L3MBTL4: variants seen among roughly 807,000 people sequenced by gnomAD.
The protein encoded by L3MBTL4 is L3MBTL histone methyl-lysine binding protein 4.
L3MBTL4 carries 70 observed loss-of-function variants against 84.5 expected under a neutral mutation model. That is an observed-to-expected ratio of 0.83 (90% CI 0.68 to 1.01). The LOEUF (loss-of-function observed/expected upper bound fraction) is 1.01. Among genes scored for constraint, L3MBTL4 ranks in the 50% least tolerant of loss-of-function variants. L3MBTL4 has a pLI of 0.00. For missense variants in L3MBTL4, 715 were observed against 754.8 expected, an observed-to-expected ratio of 0.95 and a Z score of 0.62; for synonymous variants, 274 against 259.8, an observed-to-expected ratio of 1.05 and a Z score of -0.52.
chr18:6,402,188 C>T (rs1372976387), intron 1 of L3MBTL4, among the ~76,000 whole-genome samples: 1 of 152,082 alleles, frequency 6.6e-6, no homozygotes, highest in Non-Finnish European at 1.5e-5. Context: ...AAATAAGTAC[C>T]TCGGGGAGCT....
intron 17 of L3MBTL4, among the ~76,000 whole-genome samples, chr18:5,963,091 A>G (rs965383823): frequency 1.3e-5 from 2 of 152,220 alleles, no homozygotes; most frequent in African/African-American, 4.8e-5. Context: ...ACCAGTAACT[A>G]GCTAACGACC....
intron 16 of L3MBTL4, chr18:6,031,333 A>T: frequency 7.1e-6 from 7 of 985,452 alleles, no homozygotes; most frequent in Non-Finnish European, 8.4e-6. Context: ...CTGGTTGCAG[A>T]GAAGATAAAT....
intron 12 of L3MBTL4, among the ~76,000 whole-genome samples, chr18:6,183,390 C>G (rs917694608): frequency 6.6e-6 from 1 of 152,188 alleles, no homozygotes; most frequent in Non-Finnish European, 1.5e-5. Context: ...ACTGGACCAC[C>G]GTGGCCGACG....
chr18:6,120,439 T>C lies in L3MBTL4; in HGVS notation c.1199+17755A>G, dbSNP rs139015394. On this transcript the variant is annotated intron_variant, in intron 14 of 18. Transcript: ENST00000317931. ...GCCAGCTTGTGGAGAAACTTGTGAGTAACGTTAGGAAGGCTACTCTGATTT... is the reference window on the plus strand; with the variant it reads ...GCCAGCTTGTGGAGAAACTTGTGAGCAACGTTAGGAAGGCTACTCTGATTT... Among the ~76,000 whole-genome samples, 397 of 152,244 alleles carry C rather than the reference T, an allele frequency of 2.6e-3. 3 individuals carry two copies. Among genetic ancestry groups the C allele is most frequent in the African/African-American group, 9.2e-3 (383 of 41,544 alleles).
intron 16 of L3MBTL4, among the ~76,000 whole-genome samples, chr18:5,984,753 G>A (rs1195640564): frequency 6.6e-6 from 1 of 152,170 alleles, no homozygotes; most frequent in South Asian, 2.1e-4. Context: ...TTTTCATCCA[G>A]AGTGAATCTG....
intron 14 of L3MBTL4, among the ~76,000 whole-genome samples, chr18:6,111,427 C>G (rs2059192700): frequency 6.6e-6 from 1 of 152,154 alleles, no homozygotes; most frequent in African/African-American, 2.4e-5. Context: ...TTTAAGCACA[C>G]TAGTCCCTGG....
intron 4 of L3MBTL4, among the ~76,000 whole-genome samples, chr18:6,279,003 G>A (rs1432369907): frequency 1.3e-5 from 2 of 152,084 alleles, no homozygotes; most frequent in Admixed American, 6.6e-5. Flanking sequence ...GACCAGGAAC[G>A]TAGAGAAAAA....
intron 16 of L3MBTL4, among the ~76,000 whole-genome samples, chr18:5,997,294 A>G (rs1350524780): frequency 6.6e-6 from 1 of 150,550 alleles, no homozygotes; most frequent in Non-Finnish European, 1.5e-5. Flanking sequence ...CTCGCCTCCC[A>G]TCTTATTCCT....
intron 1 of L3MBTL4, among the ~76,000 whole-genome samples, chr18:6,317,795 T>C (rs150262838): frequency 3.3e-5 from 5 of 152,126 alleles, no homozygotes; most frequent in Admixed American, 2.6e-4. Flanking sequence ...CCAAGGTATA[T>C]AGTCATCAAG....
intron 1 of L3MBTL4, among the ~76,000 whole-genome samples, chr18:6,405,616 A>AAACACAGGGGCTGGGCCCGAGGGCCCC (rs1555762326): frequency 0.15 from 23,145 of 151,522 alleles, 1,792 homozygotes; most frequent in African/African-American, 0.16. Context: ...CCGAGGGCCC[A>AAACACAGGGGCTGGGCCCGAGGGCCCC]CTAAACACAG....
At chr18:6,228,984 A>T (rs553183163) in intron 10 of L3MBTL4, among the ~76,000 whole-genome samples, 60 of 152,352 alleles carry the variant, frequency 3.9e-4, no homozygotes, top group African/African-American at 1.4e-3. Flanking sequence ...GCAAATAGGT[A>T]ACTATTAACT....
intron 12 of L3MBTL4, among the ~76,000 whole-genome samples, chr18:6,205,970 ACT>A (rs757699758): frequency 2.6e-5 from 4 of 152,086 alleles, no homozygotes; most frequent in Non-Finnish European, 4.4e-5. Context: ...AATTCCACAG[ACT>A]CTTGTTTTCT....
At chr18:6,286,369 C>T (rs1270691556) in intron 4 of L3MBTL4, among the ~76,000 whole-genome samples, 1 of 151,608 alleles carries the variant, frequency 6.6e-6, no homozygotes, top group Non-Finnish European at 1.5e-5. Flanking sequence ...GAGGCTGAGG[C>T]GGAAGAATCG....
At chr18:6,325,385 A>T (rs1234435679) in intron 1 of L3MBTL4, among the ~76,000 whole-genome samples, 3 of 152,204 alleles carry the variant, frequency 2.0e-5, no homozygotes, top group Non-Finnish European at 4.4e-5. Flanking sequence ...GTATCTTGCT[A>T]TGTTGCCCAG....
intron 1 of L3MBTL4, among the ~76,000 whole-genome samples, chr18:6,389,793 T>C (rs1054567216): frequency 6.6e-6 from 1 of 152,118 alleles, no homozygotes; most frequent in Non-Finnish European, 1.5e-5. Context: ...GCTCCAAATT[T>C]ATAAAACAAT....
At chr18:6,216,326 T>TAA (rs1338747991) in intron 10 of L3MBTL4, among the ~76,000 whole-genome samples, 1 of 152,214 alleles carries the variant, frequency 6.6e-6, no homozygotes, top group Non-Finnish European at 1.5e-5. Context: ...AAATTGCAGT[T>TAA]AAAACTATAT....
At chr18:6,319,493 C>T (rs1384346270) in intron 1 of L3MBTL4, among the ~76,000 whole-genome samples, 1 of 152,088 alleles carries the variant, frequency 6.6e-6, no homozygotes, top group Non-Finnish European at 1.5e-5. Flanking sequence ...TTTGTGACTA[C>T]TGTTAACACC....
At chr18:6,235,829 T>G (rs2047195393) in intron 10 of L3MBTL4, among the ~76,000 whole-genome samples, 1 of 152,218 alleles carries the variant, frequency 6.6e-6, no homozygotes, top group African/African-American at 2.4e-5. Flanking sequence ...GTTAACTGTA[T>G]GCTGTGTGAA....
Position 6,081,902 on chromosome 18 carries a change from A to G in L3MBTL4, c.1374-951T>C, listed in dbSNP as rs188551036. ...AATCATCAAGACTTTTTATCAAAAA[A>G]GCAAGAAACCGAGAAAATTTCTATT... On this transcript the variant is annotated intron_variant, in intron 15 of 18. Coordinates refer to ENST00000317931, the MANE Select transcript of L3MBTL4 (RefSeq NM_001330559.2). Among the ~76,000 whole-genome samples the G allele has an allele frequency of 3.5e-3, 531 of 152,344 alleles. 3 individuals are homozygous for G. Among genetic ancestry groups the G allele is most frequent in the Non-Finnish European group, 5.8e-3 (393 of 68,028 alleles).
Sources: allele counts gnomAD v4.1 joint callset (sites outside exome capture counted in the v4.1 genomes callset), GRCh38; gene constraint gnomAD v4.1.1; transcripts MANE v1.5; gene names NCBI Gene and HGNC (gene_info 2026-07-23, HGNC 2026-07-21).